SLCO5A1: variants seen among roughly 807,000 people sequenced by gnomAD.
The protein encoded by SLCO5A1 is organic anion transporter polypeptide-related protein 4.
In SLCO5A1, 39 loss-of-function variants were observed where a neutral mutation model predicts 65.1. The observed-to-expected ratio is 0.60, with a 90% CI of 0.46 to 0.78. The LOEUF (loss-of-function observed/expected upper bound fraction) is 0.78. Among genes scored for constraint, SLCO5A1 ranks in the 30% least tolerant of loss-of-function variants. The pLI, the probability that SLCO5A1 is intolerant of heterozygous loss-of-function variation, is 0.00. For synonymous variants in SLCO5A1, 438 were observed against 415.7 expected, an observed-to-expected ratio of 1.05 and a Z score of -0.65; for missense variants, 1,029 against 1,069.4, an observed-to-expected ratio of 0.96 and a Z score of 0.53.
At position 69,691,121 on chromosome 8, in the gene SLCO5A1, G is replaced by A. The variant is rs138299665; in HGVS notation, c.1623-8778C>T. 1.8e-4 allele frequency among the ~76,000 whole-genome samples: 28 copies of A among 152,078 alleles called. No individual in the cohort carries two copies. The East Asian group carries it at 4.4e-3, about 24-fold the overall frequency. On this transcript the variant is annotated intron_variant, in intron 6 of 9. Coordinates refer to ENST00000260126, the MANE Select transcript of SLCO5A1 (RefSeq NM_030958.3). ...TTTCATGGTCAATGCCAGCTCTTTC[G>A]GGTCCAAGGTGATTAGGACACACCT...
chr8:69,786,051 T>C (rs1258598698), intron 2 of SLCO5A1, among the ~76,000 whole-genome samples: 1 of 152,242 alleles, frequency 6.6e-6, no homozygotes, highest in Non-Finnish European at 1.5e-5. Flanking sequence ...TCATCAGTTA[T>C]AGAGCATTAA....
chr8:69,768,421 C>T (rs1818172328), intron 2 of SLCO5A1, among the ~76,000 whole-genome samples: 1 of 152,198 alleles, frequency 6.6e-6, no homozygotes, highest in African/African-American at 2.4e-5. Context: ...TGCCCATAGT[C>T]ACAGACTTAG....
In SLCO5A1 at chr8:69,702,281, C is replaced by T. The variant is rs114197595; in HGVS notation, c.1622+2750G>A. Among the ~76,000 whole-genome samples, 847 of 152,306 alleles carry T rather than the reference C, an allele frequency of 5.6e-3. 9 individuals carry two copies. The highest frequency in any genetic ancestry group is 0.019 in the African/African-American group (810 of 41,560). ...ACATGTGTTACACACATAACCCTTG[C>T]CCACAACCTTCTGAGATTGCTGCTA... On this transcript the variant is annotated intron_variant, in intron 6 of 9. Transcript: ENST00000260126.
At chr8:69,783,456 A>G (rs965772990) in intron 2 of SLCO5A1, among the ~76,000 whole-genome samples, 3 of 151,980 alleles carry the variant, frequency 2.0e-5, no homozygotes, top group Non-Finnish European at 4.4e-5. Flanking sequence ...CTCTGTACCT[A>G]CGAAAAATTT....
At chr8:69,824,016 C>T (rs1011377464) in intron 2 of SLCO5A1, among the ~76,000 whole-genome samples, 2 of 152,190 alleles carry the variant, frequency 1.3e-5, no homozygotes, top group African/African-American at 2.4e-5. Context: ...CAACCTGCTC[C>T]TGAATGACTA....
intron 9 of SLCO5A1, 65 bp from the exon 10 acceptor site, chr8:69,673,391 TA>T: frequency 7.1e-7 from 1 of 1,401,412 alleles, no homozygotes; most frequent in African/African-American, 1.4e-5. Context: ...AACAGGTTTG[TA>T]AATTAGCAAG....
In SLCO5A1 at chr8:69,832,650, C is replaced by G; in HGVS notation, c.24G>C (p.Gln8His). 1 of 1,605,560 alleles carries G rather than the reference C, an allele frequency of 6.2e-7. No homozygotes were observed. The highest frequency in any genetic ancestry group is 1.7e-5 in the Admixed American group (1 of 59,812). Reference protein sequence around the residue: MDEGTGLQPGAGEQLEAP... With the variant: MDEGTGLHPGAGEQLEAP... Reference sequence around the variant, plus strand: ...CCTCCAGCTGCTCTCCCGCCCCGGGCTGCAGTCCAGTGCCTTCGTCCATGG... The same window carrying G: ...CCTCCAGCTGCTCTCCCGCCCCGGGGTGCAGTCCAGTGCCTTCGTCCATGG... Residue 8 changes from glutamine to histidine, a missense_variant, in exon 2 of 10, where the codon CAG (glutamine) becomes CAC (histidine). Physicochemically the swap from Gln to His is conservative, Grantham distance 24. Coordinates refer to ENST00000260126, the MANE Select transcript of SLCO5A1 (RefSeq NM_030958.3). The surrounding 1 kb of genome is among the most constrained non-coding windows in gnomAD (Gnocchi z 4.5).
At chr8:69,694,669 T>C (rs1814422892) in intron 6 of SLCO5A1, among the ~76,000 whole-genome samples, 1 of 152,232 alleles carries the variant, frequency 6.6e-6, no homozygotes, top group African/African-American at 2.4e-5. Flanking sequence ...GGCACGCCTA[T>C]ACAGCCGCAC....
intron 6 of SLCO5A1, among the ~76,000 whole-genome samples, chr8:69,697,731 C>T (rs1814558679): frequency 1.3e-5 from 2 of 152,022 alleles, no homozygotes; most frequent in African/African-American, 4.8e-5. Flanking sequence ...AAGTTAGCCA[C>T]AGAGAAATGA....
intron 4 of SLCO5A1, among the ~76,000 whole-genome samples, chr8:69,744,785 C>G (rs1400951596): frequency 3.3e-5 from 5 of 152,160 alleles, no homozygotes; most frequent in African/African-American, 1.2e-4. Flanking sequence ...TCCAAAGAGA[C>G]ATAATTTCCT....
chr8:69,700,810 A>G (rs1460342598), intron 6 of SLCO5A1, among the ~76,000 whole-genome samples: 1 of 151,552 alleles, frequency 6.6e-6, no homozygotes, highest in African/African-American at 2.4e-5. Flanking sequence ...AACGGTGTGT[A>G]TGTGTGTGTA....
At chr8:69,811,571 C>T (rs1257139813) in intron 2 of SLCO5A1, among the ~76,000 whole-genome samples, 1 of 152,154 alleles carries the variant, frequency 6.6e-6, no homozygotes, top group African/African-American at 2.4e-5. Flanking sequence ...CAACCAAATA[C>T]ACAGCACCCA....
intron 4 of SLCO5A1, 38 bp from the exon 5 acceptor site, chr8:69,738,242 C>T (rs758116321): frequency 6.5e-7 from 1 of 1,536,018 alleles, no homozygotes; most frequent in Admixed American, 1.9e-5. Flanking sequence ...ATGTTATAAA[C>T]AATGGATGGA....
chr8:69,749,340 C>T (rs191847838), intron 4 of SLCO5A1, among the ~76,000 whole-genome samples: 10 of 152,260 alleles, frequency 6.6e-5, no homozygotes, highest in African/African-American at 1.7e-4. Context: ...CCTGTTTCAC[C>T]GGGCGCAGTG....
At chr8:69,702,593 T>G (rs1814793226) in intron 6 of SLCO5A1, among the ~76,000 whole-genome samples, 1 of 152,162 alleles carries the variant, frequency 6.6e-6, no homozygotes. Context: ...GTAATCTAAA[T>G]AAACTCTGAT....
chr8:69,688,124 A>T (rs1268658579), intron 6 of SLCO5A1, among the ~76,000 whole-genome samples: 1 of 152,068 alleles, frequency 6.6e-6, no homozygotes, highest in Admixed American at 6.6e-5. Flanking sequence ...TAAAACAAAC[A>T]TTGTGTCTCC....
chr8:69,681,386 G>A (rs1029202559), intron 7 of SLCO5A1, among the ~76,000 whole-genome samples: 5 of 152,144 alleles, frequency 3.3e-5, no homozygotes, highest in African/African-American at 1.2e-4. Flanking sequence ...CTGAGGTCGG[G>A]AGTTCGAAAC....
intron 5 of SLCO5A1, among the ~76,000 whole-genome samples, chr8:69,733,085 A>G (rs1293261555): frequency 6.6e-6 from 1 of 152,154 alleles, no homozygotes; most frequent in Admixed American, 6.5e-5. Flanking sequence ...GATGTTACCC[A>G]CATAAAATTG....
At chr8:69,769,321 AGACTT>A (rs1340937190) in intron 2 of SLCO5A1, among the ~76,000 whole-genome samples, 102 of 88,954 alleles carry the variant, frequency 1.1e-3, no homozygotes, top group African/African-American at 8.5e-3. Flanking sequence ...TAGGTTAGAC[AGACTT>A]CAGACTTTGA....
Sources: gnomAD v4.1 joint callset for allele counts (sites outside exome capture counted in the v4.1 genomes callset) on GRCh38, gnomAD v4.1.1 for gene constraint, Gnocchi (gnomAD v3.1) non-coding constraint, MANE v1.5 for transcripts, NCBI Gene and HGNC (gene_info 2026-07-23, HGNC 2026-07-21) for gene names.